SLC26A11: variants seen among roughly 807,000 people sequenced by gnomAD.
The protein encoded by SLC26A11 is solute carrier family 26 member 11.
In SLC26A11, 58 loss-of-function variants were observed where a neutral mutation model predicts 62.2. The ratio of observed to expected loss-of-function variants is 0.93; its 90% CI spans 0.76 to 1.16. The LOEUF (loss-of-function observed/expected upper bound fraction) is 1.16. SLC26A11 is among the 50% of genes most tolerant of loss of function. The probability of loss-of-function intolerance (pLI) is 0.00; values close to 1 mark genes in which losing one functional copy is unlikely to be tolerated. For missense variants in SLC26A11, 790 were observed against 794.3 expected (o/e 0.99, Z 0.06); for synonymous variants, 411 against 368.9 (o/e 1.11, Z -1.31).
intron 9 of SLC26A11, among the ~76,000 whole-genome samples, chr17:80,238,617 C>A (rs1270853918): frequency 2.6e-5 from 4 of 152,184 alleles, no homozygotes; most frequent in Admixed American, 6.5e-5. Context: ...CGGATGACAC[C>A]TTCGTTCTGT....
chr17:80,245,840 C>T (rs952415779), intron 11 of SLC26A11, among the ~76,000 whole-genome samples: 18 of 152,226 alleles, frequency 1.2e-4, no homozygotes, highest in Non-Finnish European at 2.4e-4. Context: ...CCTGGCACTG[C>T]CCAGTCCCCC....
At position 80,222,967 on chromosome 17, in the gene SLC26A11, G is replaced by T; in HGVS notation, c.427+120G>T. On this transcript the variant is annotated intron_variant, in intron 4 of 17. Transcript: ENST00000361193. The surrounding 1 kb of genome is among the most constrained non-coding windows in gnomAD (Gnocchi z 4.7). The stretch of plus-strand genomic sequence containing the variant: ...TTGGGGTGTGGGTATGTATGTGTGT[G>T]TGTGTAGGTGGGTGGGTGGTGGAGG... The T allele has an allele frequency of 1.0e-6, 1 of 994,458 alleles. No individual in the cohort carries two copies. Among genetic ancestry groups the T allele is most frequent in the Non-Finnish European group, 1.5e-6 (1 of 679,730 alleles). 61.6% of individuals were successfully genotyped at this position (994,458 alleles called of 1,614,324 possible). A position where few individuals can be genotyped will look rare whatever the true frequency, so the allele number is the denominator to read the frequency against.
chr17:80,249,288 GTGGGTGTGCACTGGGCTGC>G lies in SLC26A11; in HGVS notation c.1656+2_1656+20del. 1 of 1,609,794 alleles carries G rather than the reference GTGGGTGTGCACTGGGCTGC, an allele frequency of 6.2e-7. No individual in the cohort carries two copies. Among genetic ancestry groups the G allele is most frequent in the Non-Finnish European group, 8.5e-7 (1 of 1,179,980 alleles). On this transcript the variant is annotated splice_donor_variant and splice_donor_5th_base_variant and intron_variant, in intron 16 of 17. Coordinates refer to ENST00000361193, the MANE Select transcript of SLC26A11 (RefSeq NM_001166347.2). LOFTEE classifies it high-confidence loss of function. ...CGCCCTGGCCTTTGTGGGCCTGCAG[GTGGGTGTGCACTGGGCTGC>G]CTTAGGGGTTAGCAGCTGCCGGAAG... is the stretch of plus-strand genomic sequence containing the variant.
intron 16 of SLC26A11, among the ~76,000 whole-genome samples, chr17:80,250,107 G>A (rs910662802): frequency 1.3e-5 from 2 of 152,118 alleles, no homozygotes; most frequent in African/African-American, 4.8e-5. Flanking sequence ...ACATCCCAGG[G>A]GTGTGGCCAG....
intron 16 of SLC26A11, 81 bp from the exon 17 acceptor site, chr17:80,251,248 A>T: frequency 6.2e-7 from 1 of 1,612,910 alleles, no homozygotes; most frequent in Non-Finnish European, 8.5e-7. Context: ...GGAGACTCTG[A>T]GATGGCAGGT....
At chr17:80,240,931 C>T (rs547768603) in intron 9 of SLC26A11, among the ~76,000 whole-genome samples, 2 of 152,262 alleles carry the variant, frequency 1.3e-5, no homozygotes, top group East Asian at 3.9e-4. Flanking sequence ...GGCAACTTAA[C>T]AAGACCTCAT....
intron 5 of SLC26A11, among the ~76,000 whole-genome samples, chr17:80,224,335 G>C (rs1471800645): frequency 2.7e-5 from 4 of 148,970 alleles, no homozygotes; most frequent in African/African-American, 1.0e-4. Flanking sequence ...GTATGAGTGA[G>C]AGTGTGAGAG....
Position 80,246,025 on chromosome 17 carries a change from C to G in SLC26A11, c.1098-129C>G, listed in dbSNP as rs961311673. On this transcript the variant is annotated intron_variant, in intron 11 of 17. Transcript: ENST00000361193. The surrounding 1 kb of genome is among the most constrained non-coding windows in gnomAD (Gnocchi z 4.4). ...AAGTCTCTTTGCCTCGGTCCCCTTGCAGTCCCCGCCTGCTTCCCAAGCCGT... is the reference window on the plus strand; with the variant it reads ...AAGTCTCTTTGCCTCGGTCCCCTTGGAGTCCCCGCCTGCTTCCCAAGCCGT... 8.2e-6 allele frequency: 9 copies of G among 1,103,590 alleles called. No homozygotes were observed. The highest frequency in any genetic ancestry group is 1.2e-5 in the Non-Finnish European group (9 of 725,056). 68.4% of individuals were successfully genotyped at this position (1,103,590 alleles called of 1,614,324 possible).
At chr17:80,248,388 G>C in intron 14 of SLC26A11, 131 bp downstream of exon 14, 7 of 1,365,810 alleles carry the variant, frequency 5.1e-6, no homozygotes, top group Non-Finnish European at 6.9e-6. Flanking sequence ...TGGCAGGTGG[G>C]CAGTCACCTT....
chr17:80,233,709 G>T (rs1308791273), intron 7 of SLC26A11, among the ~76,000 whole-genome samples: 1 of 151,910 alleles, frequency 6.6e-6, no homozygotes, highest in African/African-American at 2.4e-5. Context: ...GAGTGGCTGG[G>T]ACTATAGGCA....
intron 5 of SLC26A11, among the ~76,000 whole-genome samples, chr17:80,224,281 G>A (rs1163796363): frequency 7.8e-6 from 1 of 128,526 alleles, no homozygotes. Context: ...GAGTGAGTGC[G>A]TGTGTGAGTG....
chr17:80,227,031 CCAGT>C (rs1276308928), intron 6 of SLC26A11, among the ~76,000 whole-genome samples: 3 of 152,184 alleles, frequency 2.0e-5, no homozygotes, highest in Admixed American at 2.0e-4. Flanking sequence ...CGGAGCCTGA[CCAGT>C]CAGAGAGCGT....
intron 6 of SLC26A11, among the ~76,000 whole-genome samples, chr17:80,226,466 C>T (rs1055760426): frequency 3.9e-5 from 6 of 152,102 alleles, no homozygotes; most frequent in Non-Finnish European, 7.4e-5. Context: ...TTTGGGAAGC[C>T]CAGGTGGGCA....
chr17:80,223,139 G>C lies in SLC26A11; in HGVS notation c.428-113G>C, dbSNP rs530573461. On this transcript the variant is annotated intron_variant, in intron 4 of 17. Coordinates refer to ENST00000361193, the MANE Select transcript of SLC26A11 (RefSeq NM_001166347.2). The surrounding 1 kb of genome is among the most constrained non-coding windows in gnomAD (Gnocchi z 4.6). ...TGTGTTACCCCCAGTCCTTAGCTGC[G>C]GTATCTGCTCCCCAATCCCACCCAT... is the stretch of plus-strand genomic sequence containing the variant. The C allele has an allele frequency of 4.1e-6, 4 of 979,704 alleles. No individual in the cohort carries two copies. In the South Asian group the frequency reaches 5.5e-5, roughly 13 times the overall value. The allele number at this position is 979,704 out of a possible 1,614,324, so 60.7% of individuals were successfully genotyped here.
In SLC26A11 at chr17:80,246,822, C is replaced by T. The variant is rs1442063778; in HGVS notation, c.1294+173C>T. ...CAGGAGATGGCCCCAGAGATGGTCCCGAGGCTCAGTGGGAAGAGCTGGAGC... is the reference window on the plus strand; with the variant it reads ...CAGGAGATGGCCCCAGAGATGGTCCTGAGGCTCAGTGGGAAGAGCTGGAGC... On this transcript the variant is annotated intron_variant, in intron 13 of 17. Coordinates refer to ENST00000361193, the MANE Select transcript of SLC26A11 (RefSeq NM_001166347.2). The surrounding 1 kb of genome is among the most constrained non-coding windows in gnomAD (Gnocchi z 4.4). Among the ~76,000 whole-genome samples, 2 of 152,176 alleles carry T rather than the reference C, an allele frequency of 1.3e-5. No homozygotes were observed. The highest frequency in any genetic ancestry group is 6.5e-5 in the Admixed American group (1 of 15,280).
chr17:80,251,236 C>T (rs145107782), intron 16 of SLC26A11, 93 bp from the exon 17 acceptor site: 29,938 of 1,612,042 alleles, frequency 0.019, 376 homozygotes, highest in Middle Eastern at 0.065. Flanking sequence ...CATACCTCTC[C>T]GGGAGACTCT....
intron 9 of SLC26A11, 98 bp downstream of exon 9, chr17:80,237,692 A>G: frequency 1.7e-6 from 2 of 1,150,006 alleles, no homozygotes; most frequent in Non-Finnish European, 2.5e-6. Context: ...CTAGTTTTAG[A>G]AATTTGAATT....
At chr17:80,234,266 A>G (rs2042635405) in intron 7 of SLC26A11, among the ~76,000 whole-genome samples, 1 of 152,170 alleles carries the variant, frequency 6.6e-6, no homozygotes, top group African/African-American at 2.4e-5. Context: ...TGGCCTCCCA[A>G]AGTGCTAGGA....
At chr17:80,247,143 A>G (rs2144973771) in intron 13 of SLC26A11, among the ~76,000 whole-genome samples, 1 of 151,282 alleles carries the variant, frequency 6.6e-6, no homozygotes, top group East Asian at 1.9e-4. Flanking sequence ...GGGTCATAGG[A>G]CAATATGGGG....
Sources: allele counts gnomAD v4.1 joint callset (sites outside exome capture counted in the v4.1 genomes callset), GRCh38; gene constraint gnomAD v4.1.1; non-coding constraint Gnocchi (gnomAD v3.1); transcripts MANE v1.5; gene names NCBI Gene and HGNC (gene_info 2026-07-23, HGNC 2026-07-21).